The following CD226 variants were observed in gnomAD, a reference collection of about 807,000 sequenced individuals.
CD226 encodes CD226 molecule.
Under a neutral mutation model 34.9 loss-of-function variants are expected in CD226, and 24 were observed. The observed-to-expected ratio is 0.69, with a 90% CI of 0.50 to 0.97. The LOEUF (loss-of-function observed/expected upper bound fraction) is 0.97, where lower values mean the gene tolerates loss of function less well. Among genes scored for constraint, CD226 ranks in the 50% least tolerant of loss-of-function variants. The pLI is 0.00. For missense variants in CD226, 397 were observed against 412.7 expected, an observed-to-expected ratio of 0.96 and a Z score of 0.33; for synonymous variants, 148 against 147.4, an observed-to-expected ratio of 1.00 and a Z score of -0.03.
intron 2 of CD226, among the ~76,000 whole-genome samples, chr18:69,925,766 ATC>A (rs935927518): frequency 6.6e-6 from 1 of 152,044 alleles, no homozygotes; most frequent in Non-Finnish European, 1.5e-5. Flanking sequence ...CATCAATCTG[ATC>A]TCTCTCTCAA....
chr18:69,950,162 T>A (rs1012027802), upstream of CD226, among the ~76,000 whole-genome samples: 1 of 48,122 alleles, frequency 2.1e-5, no homozygotes, highest in African/African-American at 2.7e-5. Context: ...CTGCACGTAC[T>A]CTCAAACACA....
chr18:69,941,563 A>G (rs546019117), intron 2 of CD226, among the ~76,000 whole-genome samples: 82 of 152,334 alleles, frequency 5.4e-4, no homozygotes, highest in African/African-American at 1.8e-3. Context: ...TCAGACTTGC[A>G]TGGAGCTAGT....
intron 3 of CD226, among the ~76,000 whole-genome samples, chr18:69,889,782 C>T (rs1984778540): frequency 1.3e-5 from 2 of 152,110 alleles, no homozygotes; most frequent in Non-Finnish European, 2.9e-5. Context: ...TCCTCCTTGT[C>T]AATCCTATAC....
chr18:69,914,507 A>G (rs1414919111), intron 2 of CD226, among the ~76,000 whole-genome samples: 1 of 152,222 alleles, frequency 6.6e-6, no homozygotes, highest in African/African-American at 2.4e-5. Flanking sequence ...AGAGTTCCGT[A>G]TTTGTGCCAA....
intron 3 of CD226, among the ~76,000 whole-genome samples, chr18:69,878,852 T>A (rs1025227981): frequency 2.6e-5 from 4 of 152,198 alleles, no homozygotes; most frequent in African/African-American, 9.7e-5. Flanking sequence ...TCCCATTTTA[T>A]CGGGGGAACC....
chr18:69,892,288 T>A (rs1984950031), intron 3 of CD226, among the ~76,000 whole-genome samples: 1 of 152,226 alleles, frequency 6.6e-6, no homozygotes, highest in African/African-American at 2.4e-5. Flanking sequence ...ACAATAGTAG[T>A]CTGCAAATCA....
At chr18:69,875,776 T>C (rs1262593943) in intron 3 of CD226, among the ~76,000 whole-genome samples, 2 of 152,192 alleles carry the variant, frequency 1.3e-5, no homozygotes, top group Non-Finnish European at 1.5e-5. Context: ...ATGGATGAAT[T>C]TGGAGGACAT....
chr18:69,960,324 CA>C (rs1374028687), upstream of CD226, among the ~76,000 whole-genome samples: 3 of 151,532 alleles, frequency 2.0e-5, no homozygotes, highest in African/African-American at 7.3e-5. Flanking sequence ...ACTACGAGAC[CA>C]CAAGGAAGCA....
Position 69,859,481 on chromosome 18 carries a change from C to G in CD226, c.*4833G>C, listed in dbSNP as rs561809912. On this transcript the variant is annotated 3_prime_UTR_variant, in exon 6 of 6. Transcript: ENST00000582621. ...ATATTGATATAATCATATTTTAATACAAATATTTCTGAAAGAGACATGAGA... is the reference window on the plus strand; with the variant it reads ...ATATTGATATAATCATATTTTAATAGAAATATTTCTGAAAGAGACATGAGA... The G allele has an allele frequency of 6.6e-6, 1 of 151,618 alleles. No individual in the cohort carries two copies. Among genetic ancestry groups the G allele is most frequent in the East Asian group, 1.9e-4 (1 of 5,162 alleles). 9.4% of individuals were successfully genotyped at this position (151,618 alleles called of 1,614,324 possible).
At position 69,947,427 on chromosome 18, in the gene CD226, G is replaced by A; in HGVS notation, c.-21C>T. 6.5e-7 allele frequency: 1 copy of A among 1,537,756 alleles called. No individual in the cohort carries two copies. The highest frequency in any genetic ancestry group is 8.7e-7 in the Non-Finnish European group (1 of 1,144,094). ...TCCATCTCTGGAAACTGTTTGAAAGGCTGGTTCTATTAAAAAAAAAAATTG... is the reference window on the plus strand; with the variant it reads ...TCCATCTCTGGAAACTGTTTGAAAGACTGGTTCTATTAAAAAAAAAAATTG... On this transcript the variant is annotated 5_prime_UTR_variant, in exon 1 of 6. Coordinates refer to ENST00000582621, the MANE Select transcript of CD226 (RefSeq NM_001303618.2).
At chr18:69,911,536 T>G (rs2055324690) in intron 2 of CD226, among the ~76,000 whole-genome samples, 1 of 152,130 alleles carries the variant, frequency 6.6e-6, no homozygotes, top group South Asian at 2.1e-4. Flanking sequence ...GCACAACTGA[T>G]GCGGCCAGGC....
In CD226 at chr18:69,864,084, G is replaced by T; in HGVS notation, c.*230C>A. ...AGCTTAATCTCCCCTGGATCATTCT[G>T]TTATATGATACAGTAAGTTTTCTTT... On this transcript the variant is annotated 3_prime_UTR_variant, in exon 6 of 6. Transcript: ENST00000582621. 2.1e-6 allele frequency: 1 copy of T among 466,430 alleles called. No homozygotes were observed. Among genetic ancestry groups the T allele is most frequent in the Non-Finnish European group, 3.9e-6 (1 of 259,680 alleles). The allele number at this position is 466,430 out of a possible 1,614,324, so 28.9% of individuals were successfully genotyped here. A position where few individuals can be genotyped will look rare whatever the true frequency, so the allele number is the denominator to read the frequency against.
In CD226 at chr18:69,945,986, G is replaced by A. The variant is rs369056521; in HGVS notation, c.382+748C>T. Reference sequence around the variant, plus strand: ...CAGCATGGGAAAGACTTGCCCGCACGATTCAATTACCTCCCACCAGGTCCC... The same window carrying A: ...CAGCATGGGAAAGACTTGCCCGCACAATTCAATTACCTCCCACCAGGTCCC... On this transcript the variant is annotated intron_variant, in intron 2 of 5. Coordinates refer to ENST00000582621, the MANE Select transcript of CD226 (RefSeq NM_001303618.2). Among the ~76,000 whole-genome samples, 74 of 151,822 alleles carry A rather than the reference G, an allele frequency of 4.9e-4. 1 individual carries two copies. The highest frequency in any genetic ancestry group is 1.5e-3 in the African/African-American group (62 of 41,416).
Position 69,866,061 on chromosome 18 carries a change from G to C in CD226, c.885+1296C>G, listed in dbSNP as rs144212454. 2.4e-3 allele frequency among the ~76,000 whole-genome samples: 368 copies of C among 152,256 alleles called. 1 individual carries two copies. Among genetic ancestry groups the C allele is most frequent in the Non-Finnish European group, 4.1e-3 (281 of 68,016 alleles). ...GTGAGGGCCTGCGGGCCTGTTTCTTGGTTTGCAGACAACTGTCTTCTCAGT... is the reference window on the plus strand; with the variant it reads ...GTGAGGGCCTGCGGGCCTGTTTCTTCGTTTGCAGACAACTGTCTTCTCAGT... On this transcript the variant is annotated intron_variant, in intron 5 of 5. Coordinates refer to ENST00000582621, the MANE Select transcript of CD226 (RefSeq NM_001303618.2).
intron 3 of CD226, among the ~76,000 whole-genome samples, chr18:69,880,656 T>TC (rs1984199548): frequency 6.7e-6 from 1 of 149,544 alleles, no homozygotes; most frequent in African/African-American, 2.4e-5. Flanking sequence ...AAGATTTCTT[T>TC]TTTTTTTTTT....
At chr18:69,892,751 C>G (rs200736833) in intron 3 of CD226, among the ~76,000 whole-genome samples, 2 of 151,556 alleles carry the variant, frequency 1.3e-5, no homozygotes, top group Non-Finnish European at 2.9e-5. Flanking sequence ...GAGCCCCTCT[C>G]TGTGTGTGTG....
At position 69,865,074 on chromosome 18, in the gene CD226, C is replaced by A. The variant is rs367905051; in HGVS notation, c.886-635G>T. On this transcript the variant is annotated intron_variant, in intron 5 of 5. Transcript: ENST00000582621. ...GTGGCGCAATCTAGGCTCACTGCAACCCCCACCTCCCAGGTTCAAGCAATT... is the reference window on the plus strand; with the variant it reads ...GTGGCGCAATCTAGGCTCACTGCAAACCCCACCTCCCAGGTTCAAGCAATT... Among the ~76,000 whole-genome samples, 213 of 152,172 alleles carry A rather than the reference C, an allele frequency of 1.4e-3. 1 individual carries two copies. The South Asian group carries it at 0.015, about 11-fold the overall frequency.
At chr18:69,877,095 C>G (rs1157128155) in intron 3 of CD226, among the ~76,000 whole-genome samples, 1 of 152,030 alleles carries the variant, frequency 6.6e-6, no homozygotes, top group African/African-American at 2.4e-5. Context: ...AACTCCTCAC[C>G]TAAGGTGATC....
At chr18:69,954,223 A>T (rs2055877876) in intron 1 of CD226, among the ~76,000 whole-genome samples, 1 of 152,166 alleles carries the variant, frequency 6.6e-6, no homozygotes. Context: ...TGCCAAGTAC[A>T]TTCTAAGAAT....
Sources: gnomAD v4.1 joint callset for allele counts (sites outside exome capture counted in the v4.1 genomes callset) on GRCh38, gnomAD v4.1.1 for gene constraint, MANE v1.5 for transcripts, NCBI Gene and HGNC (gene_info 2026-07-23, HGNC 2026-07-21) for gene names.